CDH2: variants seen among roughly 807,000 people sequenced by gnomAD.
CDH2 encodes cadherin-2.
In CDH2, 17 loss-of-function variants were observed where a neutral mutation model predicts 92.0. The observed-to-expected ratio is 0.18, with a 90% CI of 0.13 to 0.28. CDH2 has a LOEUF of 0.28. CDH2 is among the 10% of genes least tolerant of loss of function. CDH2 has a pLI of 1.00. For synonymous variants in CDH2, 419 were observed against 415.9 expected (o/e 1.01, Z -0.09); for missense variants, 862 against 1,133.1 (o/e 0.76, Z 3.44).
intron 2 of CDH2, chr18:28,045,581 G>A (rs2144115988): frequency 2.9e-6 from 1 of 349,698 alleles, no homozygotes; most frequent in African/African-American, 2.1e-5. Context: ...GCCTATCTGA[G>A]TGGAACACTC....
intron 2 of CDH2, among the ~76,000 whole-genome samples, chr18:28,086,850 T>A (rs1256580349): frequency 6.6e-6 from 1 of 152,190 alleles, no homozygotes; most frequent in Non-Finnish European, 1.5e-5. Flanking sequence ...TGAGTTCTTT[T>A]CTCTTAGACA....
At chr18:28,053,658 C>T (rs2014236263) in intron 2 of CDH2, among the ~76,000 whole-genome samples, 1 of 152,216 alleles carries the variant, frequency 6.6e-6, no homozygotes, top group South Asian at 2.1e-4. Context: ...TCTGAACAGG[C>T]TGCAGCCCCA....
intron 15 of CDH2, among the ~76,000 whole-genome samples, chr18:27,958,649 CGT>C (rs2011318401): frequency 6.6e-6 from 1 of 151,696 alleles, no homozygotes; most frequent in African/African-American, 2.4e-5. Context: ...TGTATATGTG[CGT>C]GTGTGCACAC....
chr18:28,049,731 C>A (rs1242645227), intron 2 of CDH2, among the ~76,000 whole-genome samples: 1 of 152,210 alleles, frequency 6.6e-6, no homozygotes. Flanking sequence ...ATCCTGCAGA[C>A]CTAGTCACTG....
At chr18:28,175,699 C>A (rs763913425) in intron 1 of CDH2, among the ~76,000 whole-genome samples, 2 of 152,212 alleles carry the variant, frequency 1.3e-5, no homozygotes, top group Non-Finnish European at 2.9e-5. Context: ...CACCACCTGT[C>A]TCCACCCCCG....
chr18:27,949,866 CACTT>C (rs1448634740), downstream of CDH2, among the ~76,000 whole-genome samples: 9 of 151,664 alleles, frequency 5.9e-5, 1 homozygote, highest in Non-Finnish European at 1.2e-4. Flanking sequence ...ACCTTACAAA[CACTT>C]AAAGTTTATA....
intron 2 of CDH2, among the ~76,000 whole-genome samples, chr18:28,132,684 C>A (rs1224094337): frequency 6.6e-6 from 1 of 152,140 alleles, no homozygotes; most frequent in African/African-American, 2.4e-5. Flanking sequence ...CAGCAGGGAG[C>A]AGATACCCAA....
At chr18:28,102,692 G>C (rs2015245986) in intron 2 of CDH2, among the ~76,000 whole-genome samples, 1 of 152,014 alleles carries the variant, frequency 6.6e-6, no homozygotes, top group Non-Finnish European at 1.5e-5. Flanking sequence ...TTATCTTGTG[G>C]CTTGGAGCAA....
chr18:27,985,282 TAAAA>T, intron 12 of CDH2, 49 bp from the exon 13 acceptor site: 1 of 1,068,374 alleles, frequency 9.4e-7, no homozygotes, highest in Non-Finnish European at 1.4e-6. Flanking sequence ...CTTAAAGCGA[TAAAA>T]AAACACATAG....
chr18:28,102,708 T>G (rs2015246167), intron 2 of CDH2, among the ~76,000 whole-genome samples: 1 of 152,130 alleles, frequency 6.6e-6, no homozygotes, highest in Non-Finnish European at 1.5e-5. Flanking sequence ...AGCAAATTAT[T>G]GCTATTGAGA....
chr18:28,028,692 A>G (rs2013619722), intron 2 of CDH2, among the ~76,000 whole-genome samples: 1 of 152,164 alleles, frequency 6.6e-6, no homozygotes, highest in African/African-American at 2.4e-5. Flanking sequence ...TAGCTGCTGG[A>G]AAGAACTTTG....
At chr18:28,131,130 A>T (rs1262664502) in intron 2 of CDH2, among the ~76,000 whole-genome samples, 4 of 152,220 alleles carry the variant, frequency 2.6e-5, no homozygotes, top group African/African-American at 9.6e-5. Flanking sequence ...TACACCAAAA[A>T]GGACAAAAAA....
At chr18:28,001,274 C>T (rs2012757645) in intron 7 of CDH2, among the ~76,000 whole-genome samples, 1 of 152,160 alleles carries the variant, frequency 6.6e-6, no homozygotes, top group Non-Finnish European at 1.5e-5. Flanking sequence ...CATGGTTGGT[C>T]TGTTTTAGTA....
At chr18:28,150,532 T>C (rs17536633) in intron 1 of CDH2, among the ~76,000 whole-genome samples, 4,649 of 152,276 alleles carry the variant, frequency 0.031, 259 homozygotes, top group African/African-American at 0.11. Flanking sequence ...CTGTGTTTTG[T>C]TCTCTGCCTT....
intron 6 of CDH2, 59 bp from the exon 7 acceptor site, chr18:28,003,228 A>T (rs919740993): frequency 1.5e-6 from 2 of 1,310,092 alleles, no homozygotes; most frequent in African/African-American, 2.9e-5. Flanking sequence ...ACCCCAAAAT[A>T]GAAGGTATAT....
rs1180291998 is a variant in CDH2 at position 28,009,714 on chromosome 18, T to C, written c.702+3A>G. On this transcript the variant is annotated splice_donor_region_variant and intron_variant, in intron 5 of 15. Coordinates refer to ENST00000269141, the MANE Select transcript of CDH2 (RefSeq NM_001792.5). ...CAGAATTATCAGCTGGTTGGAATCT[T>C]ACATGAAACCGGGCTATCTGCTCGC... The C allele has an allele frequency of 1.4e-5, 22 of 1,613,246 alleles. No individual in the cohort carries two copies. The highest frequency in any genetic ancestry group is 1.9e-5 in the Non-Finnish European group (22 of 1,179,620).
intron 2 of CDH2, among the ~76,000 whole-genome samples, chr18:28,034,512 G>A (rs1239098248): frequency 6.6e-6 from 1 of 152,042 alleles, no homozygotes; most frequent in Non-Finnish European, 1.5e-5. Context: ...AACTACAGAT[G>A]AAAGAGCAGC....
intron 1 of CDH2, among the ~76,000 whole-genome samples, chr18:28,169,290 G>A (rs868372319): frequency 1.1e-4 from 16 of 152,132 alleles, no homozygotes; most frequent in Middle Eastern, 6.8e-3. Flanking sequence ...GCAGATGTGG[G>A]AAAAAACTAA....
At chr18:27,996,397 A>G (rs1755630608) in intron 7 of CDH2, among the ~76,000 whole-genome samples, 1 of 152,172 alleles carries the variant, frequency 6.6e-6, no homozygotes, top group African/African-American at 2.4e-5. Flanking sequence ...TGCACAAGAC[A>G]GGCCTCATAA....
Sources: gnomAD v4.1 joint callset for allele counts (sites outside exome capture counted in the v4.1 genomes callset) on GRCh38, gnomAD v4.1.1 for gene constraint, MANE v1.5 for transcripts, NCBI Gene and HGNC (gene_info 2026-07-23, HGNC 2026-07-21) for gene names.